The following KIF13A variants were observed in gnomAD, a reference collection of about 807,000 sequenced individuals.
KIF13A encodes the protein kinesin family member 13A.
In KIF13A, 79 loss-of-function variants were observed where a neutral mutation model predicts 212.2. The ratio of observed to expected loss-of-function variants is 0.37; its 90% CI spans 0.31 to 0.45. The LOEUF is 0.45. Ranked by LOEUF, KIF13A falls within the 20% of genes least tolerant of loss-of-function variation. The probability of loss-of-function intolerance (pLI) is 1.00; values close to 1 mark genes in which losing one functional copy is unlikely to be tolerated. For synonymous variants in KIF13A, 789 were observed against 808.6 expected (o/e 0.98, Z 0.41); for missense variants, 1,901 against 2,209.0 (o/e 0.86, Z 2.79).
At chr6:17,862,440 T>C (rs1768889169) in intron 4 of KIF13A, among the ~76,000 whole-genome samples, 1 of 152,208 alleles carries the variant, frequency 6.6e-6, no homozygotes, top group African/African-American at 2.4e-5. Flanking sequence ...AAAAATTATC[T>C]AGTTATTTTT....
chr6:17,873,582 T>G (rs921293737), intron 3 of KIF13A, 145 bp from the exon 4 acceptor site: 2 of 619,758 alleles, frequency 3.2e-6, no homozygotes, highest in African/African-American at 3.8e-5. Context: ...GTGCTTTTGT[T>G]AACCATAAAA....
chr6:17,983,208 T>C (rs565713263), intron 2 of KIF13A, among the ~76,000 whole-genome samples: 37 of 151,696 alleles, frequency 2.4e-4, no homozygotes, highest in Non-Finnish European at 4.6e-4. Flanking sequence ...CCAAAGATAT[T>C]TCTTAAAAAA....
Position 17,783,936 on chromosome 6 carries a change from T to C in KIF13A, c.3489-235A>G, listed in dbSNP as rs1219650783. 6.6e-6 allele frequency among the ~76,000 whole-genome samples: 1 copy of C among 152,174 alleles called. No homozygotes were observed. Among genetic ancestry groups the C allele is most frequent in the African/African-American group, 2.4e-5 (1 of 41,440 alleles). On this transcript the variant is annotated intron_variant, in intron 28 of 38. Coordinates refer to ENST00000259711, the MANE Select transcript of KIF13A (RefSeq NM_022113.6). This position sits in a 1 kb window ranked among gnomAD's most constrained non-coding sequence, Gnocchi z 4.3. ...TACATGTAATTAATTGAAACAAAGA[T>C]GATTTTAAGCCTTTCTAAAAATAAT...
intron 12 of KIF13A, among the ~76,000 whole-genome samples, chr6:17,833,053 A>C: frequency 6.7e-6 from 1 of 150,060 alleles, no homozygotes; most frequent in East Asian, 2.0e-4. Context: ...ATCACAAGGC[A>C]GACTTTCGTT....
At position 17,799,915 on chromosome 6, in the gene KIF13A, G is replaced by C. The variant is rs371578372; in HGVS notation, c.2616+37C>G. ...TTGTAAAATGGTTTTGCATGAAAAA[G>C]GTCATTTATATGAGCCTCCCATCAC... is the stretch of plus-strand genomic sequence containing the variant. On this transcript the variant is annotated intron_variant, in intron 21 of 38. Coordinates refer to ENST00000259711, the MANE Select transcript of KIF13A (RefSeq NM_022113.6). This position sits in a 1 kb window ranked among gnomAD's most constrained non-coding sequence, Gnocchi z 4.4. 6.9e-6 allele frequency: 11 copies of C among 1,583,720 alleles called. No homozygotes were observed. In the African/African-American group the frequency reaches 1.1e-4, roughly 16 times the overall value.
chr6:17,962,431 G>GT (rs1344886580), intron 2 of KIF13A, among the ~76,000 whole-genome samples: 1 of 152,176 alleles, frequency 6.6e-6, no homozygotes, highest in Non-Finnish European at 1.5e-5. Context: ...AAGGGAGACC[G>GT]TTAAAAAAGC....
intron 35 of KIF13A, among the ~76,000 whole-genome samples, chr6:17,774,691 T>G (rs1041245703): frequency 6.6e-6 from 1 of 151,790 alleles, no homozygotes; most frequent in Non-Finnish European, 1.5e-5. Flanking sequence ...GAGAATCGCT[T>G]GAACCTGGGA....
chr6:17,779,967 C>T (rs986328757), intron 31 of KIF13A, among the ~76,000 whole-genome samples: 4 of 151,262 alleles, frequency 2.6e-5, no homozygotes, highest in Admixed American at 2.0e-4. Flanking sequence ...AGGATGGTCT[C>T]GATCTCCTGA....
intron 19 of KIF13A, among the ~76,000 whole-genome samples, chr6:17,805,202 AT>A (rs1234296203): frequency 6.6e-6 from 1 of 152,236 alleles, no homozygotes; most frequent in South Asian, 2.1e-4. Context: ...TTCACTTGAA[AT>A]GTAGTAAACA....
intron 20 of KIF13A, among the ~76,000 whole-genome samples, chr6:17,801,402 G>A (rs2150334107): frequency 6.6e-6 from 1 of 152,276 alleles, no homozygotes; most frequent in Non-Finnish European, 1.5e-5. Flanking sequence ...CTACTCGGGA[G>A]GCTGTGGCAG....
At chr6:17,762,524 T>G (rs1758634906), downstream of KIF13A, among the ~76,000 whole-genome samples, 2 of 152,242 alleles carry the variant, frequency 1.3e-5, no homozygotes, top group Middle Eastern at 3.4e-3. Flanking sequence ...GAATATGAAT[T>G]TTTAAGAGGC....
At position 17,856,107 on chromosome 6, in the gene KIF13A, A is replaced by C; in HGVS notation, c.236T>G (p.Phe79Cys). The change falls in exon 5 of 39, where the codon TTC becomes TGC. Residue 79 changes from phenylalanine to cysteine, a missense_variant. This residue lies in a region of KIF13A where 506 missense variants were observed against 637.4 expected (regional missense o/e 0.79). Transcript: ENST00000259711. The surrounding 1 kb of genome is among the most constrained non-coding windows in gnomAD (Gnocchi z 4.5). The part of the protein sequence containing the change: ...TTKYAGQEVV[F>C]KCLGEGILEK... Reference sequence around the variant, plus strand: ...AAGAATTCCTTCCCCAAGGCACTTGAAAACCACTTCTTGACCTAAAAAACA... The same window carrying C: ...AAGAATTCCTTCCCCAAGGCACTTGCAAACCACTTCTTGACCTAAAAAACA... 1 of 1,612,432 alleles carries C rather than the reference A, an allele frequency of 6.2e-7. No individual in the cohort carries two copies. The highest frequency in any genetic ancestry group is 1.1e-5 in the South Asian group (1 of 90,974).
Position 17,763,949 on chromosome 6 carries a change from T to C in KIF13A, c.*161A>G. 6.9e-7 allele frequency: 1 copy of C among 1,441,432 alleles called. No homozygotes were observed. Among genetic ancestry groups the C allele is most frequent in the Non-Finnish European group, 9.1e-7 (1 of 1,100,758 alleles). The allele number at this position is 1,441,432 out of a possible 1,614,324, so 89.3% of individuals were successfully genotyped here. On this transcript the variant is annotated 3_prime_UTR_variant, in exon 39 of 39. Transcript: ENST00000259711. ...GTCTTATAATTTCACAATTGCGTTC[T>C]AGTTCCCAAAACAGACTTGCTCTCC...
At chr6:17,860,077 A>C (rs918973789) in intron 4 of KIF13A, among the ~76,000 whole-genome samples, 1 of 152,176 alleles carries the variant, frequency 6.6e-6, no homozygotes, top group Non-Finnish European at 1.5e-5. Context: ...GTCAAGGCTG[A>C]TTCCATTCAT....
chr6:17,858,095 GTGTGTGTGTGTGTGTGTGCATGCACGCA>G (rs554518771), intron 4 of KIF13A, among the ~76,000 whole-genome samples: 4,689 of 144,670 alleles, frequency 0.032, 100 homozygotes, highest in East Asian at 0.083. Context: ...GTGTGTGTGT[GTGTGTGTGTGTGTGTGTGCATGCACGCA>G]TGTGTGTGTG....
intron 4 of KIF13A, among the ~76,000 whole-genome samples, chr6:17,861,560 T>C (rs1768789266): frequency 6.6e-6 from 1 of 152,228 alleles, no homozygotes; most frequent in Admixed American, 6.5e-5. Flanking sequence ...TCTCTAAAAA[T>C]GCATTGGTCT....
intron 4 of KIF13A, among the ~76,000 whole-genome samples, chr6:17,861,193 G>A (rs995956880): frequency 6.6e-5 from 10 of 151,904 alleles, no homozygotes; most frequent in African/African-American, 1.7e-4. Flanking sequence ...ATTATACTAC[G>A]TTTCTGAAAA....
At position 17,899,344 on chromosome 6, in the gene KIF13A, G is replaced by A. The variant is rs1042391111; in HGVS notation, c.147-1164C>T. On this transcript the variant is annotated intron_variant, in intron 2 of 38. Transcript: ENST00000259711. This position sits in a 1 kb window ranked among gnomAD's most constrained non-coding sequence, Gnocchi z 5.2. ...AAAGAAATGGGGGCATTTACCCCATGGCTTTAATCATTCTTCATAGGAAAT... is the reference window on the plus strand; with the variant it reads ...AAAGAAATGGGGGCATTTACCCCATAGCTTTAATCATTCTTCATAGGAAAT... Among the ~76,000 whole-genome samples, 2 of 152,176 alleles carry A rather than the reference G, an allele frequency of 1.3e-5. No homozygotes were observed. Among genetic ancestry groups the A allele is most frequent in the Non-Finnish European group, 1.5e-5 (1 of 68,036 alleles).
rs1781640984 is a variant in KIF13A at position 17,987,151 on chromosome 6, G to C, written c.56-7C>G. 6.2e-7 allele frequency: 1 copy of C among 1,608,086 alleles called. No homozygotes were observed. The highest frequency in any genetic ancestry group is 1.7e-5 in the Admixed American group (1 of 59,692). On this transcript the variant is annotated splice_polypyrimidine_tract_variant and splice_region_variant and intron_variant, in intron 1 of 38. Coordinates refer to ENST00000259711, the MANE Select transcript of KIF13A (RefSeq NM_022113.6). This position sits in a 1 kb window ranked among gnomAD's most constrained non-coding sequence, Gnocchi z 7.7. ...TTGGTGTTCAGTTCCAGTTCTGAAA[G>C]CAGAGAGAAAGGGACGTTGCAAAGT...
Sources: allele counts gnomAD v4.1 joint callset (sites outside exome capture counted in the v4.1 genomes callset), GRCh38; gene constraint gnomAD v4.1.1; regional missense constraint gnomAD v4.1.1; non-coding constraint Gnocchi (gnomAD v3.1); transcripts MANE v1.5; gene names NCBI Gene and HGNC (gene_info 2026-07-23, HGNC 2026-07-21).